The following SHPRH variants were observed in gnomAD, a reference collection of about 807,000 sequenced individuals.
SHPRH encodes the protein E3 ubiquitin-protein ligase SHPRH.
SHPRH carries 106 observed loss-of-function variants against 202.5 expected under a neutral mutation model. The observed-to-expected ratio is 0.52, with a 90% CI of 0.45 to 0.62. The LOEUF is 0.62. SHPRH is among the 20% of genes least tolerant of loss of function. The pLI, the probability that SHPRH is intolerant of heterozygous loss-of-function variation, is 0.00. For synonymous variants in SHPRH, 729 were observed against 686.0 expected (o/e 1.06, Z -0.98); for missense variants, 1,710 against 2,020.0 (o/e 0.85, Z 2.94).
intron 28 of SHPRH, among the ~76,000 whole-genome samples, chr6:145,889,188 C>A (rs939922800): frequency 6.6e-6 from 1 of 152,078 alleles, no homozygotes. Context: ...CCTGTAAAAG[C>A]TACCTAAAGC....
At chr6:145,876,240 G>A (rs1780294834) in intron 2 of SHPRH, among the ~76,000 whole-genome samples, 1 of 150,184 alleles carries the variant, frequency 6.7e-6, no homozygotes, top group Admixed American at 6.6e-5. Flanking sequence ...AGGAGTGGCG[G>A]TGTACACCTG....
chr6:145,935,439 G>C lies in SHPRH; in HGVS notation c.2572C>G (p.Leu858Val). ...CCAAGAAAGACCACTAACCCAAAAA[G>C]ATCTGAAAAGAAAAAATAAAATACA... is the stretch of plus-strand genomic sequence containing the variant. ...GTPVQRGLED[L>V]FGLVVFLGIE... The change falls in exon 12 of 30, where the codon CTT becomes GTT. Residue 858 changes from leucine (L) to valine (V), a missense_variant and splice_region_variant. Around this residue, in one of 8 missense-constraint regions of SHPRH, gnomAD observed 277 missense variants for 363.0 expected, o/e 0.76. Transcript: ENST00000275233. 6.2e-7 allele frequency: 1 copy of C among 1,612,766 alleles called. No homozygotes were observed. Among genetic ancestry groups the C allele is most frequent in the East Asian group, 2.2e-5 (1 of 44,804 alleles).
Position 145,927,289 on chromosome 6 carries a change from A to G in SHPRH, c.3113-12T>C, listed in dbSNP as rs776032978. The G allele has an allele frequency of 5.0e-6, 8 of 1,607,742 alleles. No individual in the cohort carries two copies. The African/African-American group carries it at 1.1e-4, about 21-fold the overall frequency. Reference sequence around the variant, plus strand: ...CAAGGCATACTCACCTAAAGAATTAAAATGTATTTAAAGCATACGAGAGTC... The same window carrying G: ...CAAGGCATACTCACCTAAAGAATTAGAATGTATTTAAAGCATACGAGAGTC... On this transcript the variant is annotated splice_polypyrimidine_tract_variant and intron_variant, in intron 14 of 29. Coordinates refer to ENST00000275233, the MANE Select transcript of SHPRH (RefSeq NM_001042683.3).
chr6:145,936,299 C>A (rs1296444540), intron 11 of SHPRH, among the ~76,000 whole-genome samples: 6 of 151,484 alleles, frequency 4.0e-5, no homozygotes, highest in African/African-American at 9.7e-5. Context: ...TAGAAAAGAT[C>A]TTCAAATGAA....
chr6:145,958,372 T>C (rs916575454), intron 1 of SHPRH, among the ~76,000 whole-genome samples: 2 of 152,186 alleles, frequency 1.3e-5, no homozygotes, highest in Non-Finnish European at 2.9e-5. Context: ...ATATTAAGTA[T>C]AACTTTATTC....
At chr6:145,925,508 G>A (rs1251416558) in intron 16 of SHPRH, among the ~76,000 whole-genome samples, 1 of 151,492 alleles carries the variant, frequency 6.6e-6, no homozygotes, top group Non-Finnish European at 1.5e-5. Flanking sequence ...GGGCACCTCC[G>A]CCCCCAAAAC....
chr6:145,908,287 G>T (rs1452831615), intron 25 of SHPRH: 1 of 152,088 alleles, frequency 6.6e-6, no homozygotes. Context: ...TGCAGTAATG[G>T]GATTGCTGGG....
chr6:145,912,767 T>C (rs554285205), intron 24 of SHPRH, among the ~76,000 whole-genome samples: 51 of 152,204 alleles, frequency 3.4e-4, no homozygotes, highest in Non-Finnish European at 5.3e-4. Context: ...CTCAGTTCCA[T>C]AGAAAAAAAC....
At chr6:145,870,212 A>G (rs1457826275) in intron 2 of SHPRH, among the ~76,000 whole-genome samples, 1 of 148,960 alleles carries the variant, frequency 6.7e-6, no homozygotes, top group Non-Finnish European at 1.5e-5. Context: ...CAACCTTTCT[A>G]TAATCTCTTA....
At chr6:145,860,669 C>T (rs941437890), downstream of SHPRH, among the ~76,000 whole-genome samples, 1 of 151,926 alleles carries the variant, frequency 6.6e-6, no homozygotes, top group African/African-American at 2.4e-5. Flanking sequence ...CTTGAAACTA[C>T]AAAAGACTCC....
At chr6:145,925,397 T>C (rs1431880704) in intron 16 of SHPRH, among the ~76,000 whole-genome samples, 1 of 147,558 alleles carries the variant, frequency 6.8e-6, no homozygotes, top group African/African-American at 2.5e-5. Context: ...AAAGAGGTAA[T>C]TGATTTAGTT....
At chr6:145,952,109 G>A (rs1224686076) in intron 3 of SHPRH, among the ~76,000 whole-genome samples, 2 of 152,040 alleles carry the variant, frequency 1.3e-5, no homozygotes, top group African/African-American at 4.8e-5. Context: ...TCTGCCTTTT[G>A]ACTTGCATAT....
intron 14 of SHPRH, among the ~76,000 whole-genome samples, chr6:145,931,493 C>CA (rs1305554079): frequency 6.6e-6 from 1 of 152,124 alleles, no homozygotes; most frequent in Non-Finnish European, 1.5e-5. Flanking sequence ...GCTGGGACTA[C>CA]AGGCGCATGC....
At chr6:145,960,389 TG>T (rs1289767684) in intron 1 of SHPRH, among the ~76,000 whole-genome samples, 2 of 152,028 alleles carry the variant, frequency 1.3e-5, no homozygotes, top group Non-Finnish European at 2.9e-5. Flanking sequence ...AGCATGGATA[TG>T]GGGGGTGGAA....
intron 1 of SHPRH, among the ~76,000 whole-genome samples, chr6:145,958,431 A>T (rs1172170752): frequency 6.6e-6 from 1 of 152,196 alleles, no homozygotes; most frequent in Non-Finnish European, 1.5e-5. Flanking sequence ...AAGTGATAAA[A>T]TTTTGCTAAC....
chr6:145,877,002 CTGT>C (rs1195317636), intron 2 of SHPRH: 3 of 152,124 alleles, frequency 2.0e-5, no homozygotes, highest in Admixed American at 6.6e-5. Context: ...AAATAAATTT[CTGT>C]TGTTTAATTT....
chr6:145,935,998 A>T (rs1256676076), intron 11 of SHPRH, among the ~76,000 whole-genome samples: 1 of 152,238 alleles, frequency 6.6e-6, no homozygotes, highest in Non-Finnish European at 1.5e-5. Context: ...AAATGACTCA[A>T]ATAAATAAAT....
At position 145,910,558 on chromosome 6, in the gene SHPRH, G is replaced by A. The variant is rs752837192; in HGVS notation, c.4405C>T (p.His1469Tyr). ...ATTGCACACTTAATGGAGCTTCTGT[G>A]AGATCCCACGCTGTATTGTTCAATA... The part of the protein sequence containing the change: ...IIIEQYSVGS[H>Y]RSSIKCAICR... The change falls in exon 25 of 30, where the codon CAC becomes TAC. Residue 1469 changes from histidine (H) to tyrosine (Y), a missense_variant. Transcript: ENST00000275233. The A allele has an allele frequency of 6.2e-7, 1 of 1,612,556 alleles. No individual in the cohort carries two copies. The highest frequency in any genetic ancestry group is 2.2e-5 in the East Asian group (1 of 44,810).
chr6:145,919,547 A>G, intron 21 of SHPRH, 56 bp from the exon 22 acceptor site: 1 of 1,581,284 alleles, frequency 6.3e-7, no homozygotes, highest in Non-Finnish European at 8.6e-7. Flanking sequence ...AAACTGGTTA[A>G]AACCACCAAG....
Sources: allele counts gnomAD v4.1 joint callset (sites outside exome capture counted in the v4.1 genomes callset), GRCh38; gene constraint gnomAD v4.1.1; regional missense constraint gnomAD v4.1.1; transcripts MANE v1.5; gene names NCBI Gene and HGNC (gene_info 2026-07-23, HGNC 2026-07-21).